CASK: variants seen among roughly 807,000 people sequenced by gnomAD.
The protein encoded by CASK is peripheral plasma membrane protein CASK.
A neutral mutation model predicts 82.9 loss-of-function variants in CASK; 4 were observed. That is an observed-to-expected ratio of 0.05 (90% confidence interval 0.02 to 0.11). The LOEUF is 0.11. CASK is among the 10% of genes least tolerant of loss of function. CASK has a pLI of 1.00. For missense variants in CASK, 358 were observed against 720.9 expected (o/e 0.50, Z 5.76); for synonymous variants, 259 against 253.5 (o/e 1.02, Z -0.20).
At chrX:41,636,897 C>T (rs1196735452) in intron 8 of CASK, among the ~76,000 whole-genome samples, 3 of 110,885 alleles carry the variant, frequency 2.7e-5, no homozygotes, top group Non-Finnish European at 1.9e-5. Context: ...TAATAGGTCA[C>T]GTAAATTTCA....
At chrX:41,552,041 C>A (rs765089060) in intron 21 of CASK, among the ~76,000 whole-genome samples, 14 of 107,536 alleles carry the variant, frequency 1.3e-4, no homozygotes, top group African/African-American at 4.7e-4. Flanking sequence ...ATTCTCCTGC[C>A]TCAGCCTCCC....
chrX:41,654,256 G>A (rs1345261776), intron 8 of CASK, among the ~76,000 whole-genome samples: 1 of 111,776 alleles, frequency 8.9e-6, no homozygotes, highest in African/African-American at 3.3e-5. Flanking sequence ...AGTTTAAATG[G>A]TTATTAATAA....
chrX:41,666,799 T>C (rs1487362945), intron 6 of CASK, among the ~76,000 whole-genome samples: 1 of 111,679 alleles, frequency 9.0e-6, no homozygotes, highest in Non-Finnish European at 1.9e-5. Context: ...AGAAATACTT[T>C]TATTTCTGTA....
intron 24 of CASK, among the ~76,000 whole-genome samples, chrX:41,531,549 G>C (rs1378972115): frequency 8.9e-6 from 1 of 111,786 alleles, no homozygotes. Context: ...AATGCAGTTG[G>C]GTCTTGTGTA....
intron 5 of CASK, chrX:41,697,245 G>C (rs1434802611): frequency 8.1e-6 from 1 of 123,577 alleles, no homozygotes; most frequent in Admixed American, 9.5e-5. Flanking sequence ...CAGATGAAAA[G>C]ATAATTAATA....
intron 1 of CASK, among the ~76,000 whole-genome samples, chrX:41,882,692 T>C (rs2071973754): frequency 9.0e-6 from 1 of 111,358 alleles, no homozygotes; most frequent in Admixed American, 9.6e-5. Flanking sequence ...ACCCAGACCC[T>C]GGGTAAACTG....
intron 3 of CASK, among the ~76,000 whole-genome samples, chrX:41,775,873 T>C (rs2069353033): frequency 1.5e-5 from 1 of 67,078 alleles, no homozygotes. Context: ...CATCACACTC[T>C]GGGGACTGTT....
intron 2 of CASK, among the ~76,000 whole-genome samples, chrX:41,812,584 C>T (rs1368267014): frequency 9.0e-6 from 1 of 111,222 alleles, no homozygotes; most frequent in East Asian, 2.8e-4. Context: ...ATTGATGGGA[C>T]GTATCTCAAA....
chrX:41,740,205 A>G (rs1194995323), intron 4 of CASK, among the ~76,000 whole-genome samples: 2 of 111,579 alleles, frequency 1.8e-5, no homozygotes, highest in Non-Finnish European at 3.8e-5. Context: ...TCCTTCTCCT[A>G]TTTCTAAAGT....
chrX:41,557,549 A>AC (rs2065174442), intron 18 of CASK, among the ~76,000 whole-genome samples: 1 of 111,955 alleles, frequency 8.9e-6, no homozygotes, highest in Non-Finnish European at 1.9e-5. Flanking sequence ...CTGAAGAGAA[A>AC]CAAACCTAAG....
At chrX:41,760,513 T>G (rs1168759220) in intron 3 of CASK, among the ~76,000 whole-genome samples, 1 of 111,468 alleles carries the variant, frequency 9.0e-6, no homozygotes, top group African/African-American at 3.3e-5. Flanking sequence ...ACATTCTAAT[T>G]CTTCAAGGGG....
chrX:41,799,039 T>C (rs777419377), intron 2 of CASK, among the ~76,000 whole-genome samples: 7 of 111,871 alleles, frequency 6.3e-5, no homozygotes, highest in South Asian at 3.7e-4. Context: ...CTGAATTAAT[T>C]CTAAAAATGG....
Position 41,866,558 on chromosome X carries a change from T to C in CASK, c.60-13331A>G, listed in dbSNP as rs766238503. The stretch of plus-strand genomic sequence containing the variant: ...AATTTCCAGGACATTTAGTTATATT[T>C]ATAGAGGAAGGAAGGGGCAGTGAAA... On this transcript the variant is annotated intron_variant, in intron 1 of 26. Coordinates refer to ENST00000378163, the MANE Select transcript of CASK (RefSeq NM_001367721.1). Among the ~76,000 whole-genome samples, 9 of 112,312 alleles carry C rather than the reference T, an allele frequency of 8.0e-5. No homozygotes were observed. The Admixed American group carries it at 8.4e-4, about 11-fold the overall frequency.
At chrX:41,779,018 G>A (rs1351761745) in intron 3 of CASK, among the ~76,000 whole-genome samples, 1 of 111,657 alleles carries the variant, frequency 9.0e-6, no homozygotes, top group Non-Finnish European at 1.9e-5. Context: ...TAATATAGCA[G>A]GCCTAAACTA....
At chrX:41,820,048 C>G (rs1478039384) in intron 2 of CASK, among the ~76,000 whole-genome samples, 2 of 110,959 alleles carry the variant, frequency 1.8e-5, no homozygotes, top group Admixed American at 9.6e-5. Context: ...AAACAAAAGT[C>G]ATACAGAATG....
intron 11 of CASK, among the ~76,000 whole-genome samples, chrX:41,611,497 A>G (rs958976654): frequency 2.7e-5 from 3 of 111,985 alleles, no homozygotes; most frequent in African/African-American, 9.7e-5. Context: ...TACGTAGGTT[A>G]TAGAATATCC....
chrX:41,730,665 G>C (rs1045278852), intron 5 of CASK, among the ~76,000 whole-genome samples: 1 of 111,066 alleles, frequency 9.0e-6, no homozygotes, highest in Non-Finnish European at 1.9e-5. Flanking sequence ...ATCAGGGAGA[G>C]TTCCTGAGAT....
At chrX:41,752,836 C>A (rs1323944165) in intron 3 of CASK, among the ~76,000 whole-genome samples, 1 of 111,750 alleles carries the variant, frequency 8.9e-6, no homozygotes, top group Non-Finnish European at 1.9e-5. Context: ...GAACAATACA[C>A]CAATACAACT....
chrX:41,869,838 C>CAAAAAAAAAAAAAAAA (rs2071670954), intron 1 of CASK, among the ~76,000 whole-genome samples: 1 of 44,171 alleles, frequency 2.3e-5, no homozygotes. Context: ...AAAAAAAAAG[C>CAAAAAAAAAAAAAAAA]CAAAATTTAA....
Sources: gnomAD v4.1 joint callset for allele counts (sites outside exome capture counted in the v4.1 genomes callset) on GRCh38, gnomAD v4.1.1 for gene constraint, MANE v1.5 for transcripts, NCBI Gene and HGNC (gene_info 2026-07-23, HGNC 2026-07-21) for gene names.